MGST2: variants seen among roughly 807,000 people sequenced by gnomAD.
The protein encoded by MGST2 is glutathione peroxidase MGST2.
A neutral mutation model predicts 16.6 loss-of-function variants in MGST2; 9 were observed. The ratio of observed to expected loss-of-function variants is 0.54; its 90% CI spans 0.33 to 0.95. The LOEUF (loss-of-function observed/expected upper bound fraction) is 0.95. Among genes scored for constraint, MGST2 ranks in the 40% least tolerant of loss-of-function variants. The pLI is 0.03. For missense variants in MGST2, 159 were observed against 175.1 expected (o/e 0.91, Z 0.52); for synonymous variants, 79 against 68.0 (o/e 1.16, Z -0.79).
chr4:139,714,270 C>G (rs1025224854), intron 5 of MGST2, among the ~76,000 whole-genome samples: 1 of 152,222 alleles, frequency 6.6e-6, no homozygotes. Context: ...CAGCTTAAGA[C>G]TAGCCTTAGA....
chr4:139,730,288 C>T lies in MGST2; in HGVS notation c.*49-9924C>T, dbSNP rs573238998. Reference sequence around the variant, plus strand: ...TAAATTCTTCAGGTTCTCTTGTGATCCTGGGAAATGCTAGACCGTGAGCAT... The same window carrying T: ...TAAATTCTTCAGGTTCTCTTGTGATTCTGGGAAATGCTAGACCGTGAGCAT... On this transcript the variant is annotated intron_variant, in intron 5 of 5. Transcript: ENST00000616265. 8.7e-5 allele frequency: 71 copies of T among 811,730 alleles called. 3 individuals carry two copies. The South Asian group carries it at 1.1e-3, about 13-fold the overall frequency. 50.3% of individuals were successfully genotyped at this position (811,730 alleles called of 1,614,324 possible).
At chr4:139,729,156 CAAAAAAA>C (rs4057275) in intron 5 of MGST2, among the ~76,000 whole-genome samples, 1 of 81,704 alleles carries the variant, frequency 1.2e-5, no homozygotes, top group Admixed American at 1.4e-4. Context: ...GGAACAAAAG[CAAAAAAA>C]AAAAAAAAAA....
At position 139,719,266 on chromosome 4, in the gene MGST2, C is replaced by G. The variant is rs921475234; in HGVS notation, c.*48+15070C>G. 7 of 1,510,018 alleles carry G rather than the reference C, an allele frequency of 4.6e-6. No homozygotes were observed. In the African/African-American group the frequency reaches 5.6e-5, roughly 12 times the overall value. The allele number at this position is 1,510,018 out of a possible 1,614,324, so 93.5% of individuals were successfully genotyped here. A position where few individuals can be genotyped will look rare whatever the true frequency, so the allele number is the denominator to read the frequency against. On this transcript the variant is annotated intron_variant, in intron 5 of 5. Transcript: ENST00000616265. ...ACAAGGATGGGTCAACATCCTGTTTCTTTTTCACTTTTTAAGCTTTAACCA... is the reference window on the plus strand; with the variant it reads ...ACAAGGATGGGTCAACATCCTGTTTGTTTTTCACTTTTTAAGCTTTAACCA...
chr4:139,696,932 G>A (rs1295333111), intron 3 of MGST2, among the ~76,000 whole-genome samples: 1 of 152,034 alleles, frequency 6.6e-6, no homozygotes, highest in Non-Finnish European at 1.5e-5. Flanking sequence ...AAGATGTTGT[G>A]TTTGGGGGCA....
intron 3 of MGST2, among the ~76,000 whole-genome samples, chr4:139,696,326 AG>A (rs1361915146): frequency 6.6e-6 from 1 of 152,220 alleles, no homozygotes; most frequent in African/African-American, 2.4e-5. Context: ...GTTTCTATAT[AG>A]TACCAATCCT....
intron 5 of MGST2, chr4:139,718,245 G>A (rs560529360): frequency 3.3e-5 from 5 of 152,306 alleles, no homozygotes; most frequent in Non-Finnish European, 7.3e-5. Flanking sequence ...TTCATTCAAC[G>A]CTACACGTTA....
intron 1 of MGST2, among the ~76,000 whole-genome samples, chr4:139,668,434 CAAAG>C (rs1730485857): frequency 6.6e-6 from 1 of 152,148 alleles, no homozygotes; most frequent in South Asian, 2.1e-4. Flanking sequence ...CAAAATATGA[CAAAG>C]AAATATATTT....
chr4:139,705,066 A>G (rs1263831304), downstream of MGST2, among the ~76,000 whole-genome samples: 1 of 152,214 alleles, frequency 6.6e-6, no homozygotes, highest in Non-Finnish European at 1.5e-5. Context: ...TAATTTTAAA[A>G]AAGAGACGGT....
At chr4:139,719,984 A>G in intron 5 of MGST2, 1 of 1,614,088 alleles carries the variant, frequency 6.2e-7, no homozygotes, top group South Asian at 1.1e-5. Flanking sequence ...GTTCACCAGC[A>G]TGCTCTGACC....
chr4:139,698,580 C>A (rs1358585236), intron 3 of MGST2: 3 of 792,754 alleles, frequency 3.8e-6, no homozygotes, highest in Non-Finnish European at 4.2e-6. Context: ...TTACTTACCC[C>A]CCTTCTCCTT....
At position 139,704,030 on chromosome 4, in the gene MGST2, G is replaced by T. The variant is rs377180782; in HGVS notation, c.326G>T (p.Arg109Leu). ...EAAKKRITGF[R>L]LSLGILALLT... ...CCACTCTGCAGGATCACCGGTTTCC[G>T]ACTGAGTCTGGGGATTTTGGCCTTG... Residue 109 changes from arginine (R) to leucine (L), a missense_variant, in exon 5 of 5, where the codon CGA becomes CTA. Arg to Leu is a moderately radical substitution (Grantham distance 102, BLOSUM62 -2). Transcript: ENST00000265498. The T allele has an allele frequency of 3.1e-6, 5 of 1,614,086 alleles. No homozygotes were observed. Among genetic ancestry groups the T allele is most frequent in the East Asian group, 2.2e-5 (1 of 44,882 alleles).
At chr4:139,723,029 T>C (rs1262675518) in intron 5 of MGST2, among the ~76,000 whole-genome samples, 2 of 152,268 alleles carry the variant, frequency 1.3e-5, no homozygotes, top group African/African-American at 2.4e-5. Flanking sequence ...GCCATTTCTT[T>C]CTAATTTAGC....
intron 2 of MGST2, among the ~76,000 whole-genome samples, chr4:139,690,396 C>T (rs559726960): frequency 1.4e-4 from 21 of 152,278 alleles, no homozygotes; most frequent in African/African-American, 2.9e-4. Context: ...CTGTCTCTGC[C>T]TCCCAAAGGC....
chr4:139,695,780 C>T (rs187846730), intron 3 of MGST2, among the ~76,000 whole-genome samples: 2 of 152,280 alleles, frequency 1.3e-5, no homozygotes, highest in East Asian at 3.9e-4. Flanking sequence ...TTGAGACAAA[C>T]TATATGCTAG....
chr4:139,720,224 C>G (rs1728179078), intron 5 of MGST2: 2 of 1,612,586 alleles, frequency 1.2e-6, no homozygotes, highest in Non-Finnish European at 1.7e-6. Context: ...CTGGGAGGGT[C>G]CTATTCCCAT....
intron 2 of MGST2, among the ~76,000 whole-genome samples, chr4:139,684,601 C>A (rs1731451662): frequency 6.6e-6 from 1 of 152,160 alleles, no homozygotes; most frequent in South Asian, 2.1e-4. Flanking sequence ...AGGCAGCTTT[C>A]TTCTGGAGAA....
chr4:139,669,990 G>A (rs543398905), intron 1 of MGST2, among the ~76,000 whole-genome samples: 5 of 152,126 alleles, frequency 3.3e-5, no homozygotes, highest in African/African-American at 7.2e-5. Context: ...GGGAAAGTTC[G>A]TCCAGGTGTG....
chr4:139,682,556 C>T (rs2110834673), intron 2 of MGST2, among the ~76,000 whole-genome samples: 1 of 152,200 alleles, frequency 6.6e-6, no homozygotes, highest in African/African-American at 2.4e-5. Flanking sequence ...CCTTAAAGGC[C>T]ACTGTAGGGG....
intron 2 of MGST2, among the ~76,000 whole-genome samples, chr4:139,684,678 C>G (rs540678136): frequency 6.6e-6 from 1 of 152,168 alleles, no homozygotes; most frequent in East Asian, 1.9e-4. Context: ...CTCTTTAAAC[C>G]TCCTTCAGGG....
Sources: allele counts gnomAD v4.1 joint callset (sites outside exome capture counted in the v4.1 genomes callset), GRCh38; gene constraint gnomAD v4.1.1; transcripts MANE v1.5; gene names NCBI Gene and HGNC (gene_info 2026-07-23, HGNC 2026-07-21).